The following GRK5 variants were observed in gnomAD, a reference collection of about 807,000 sequenced individuals.
GRK5 encodes the protein G protein-coupled receptor kinase 5.
GRK5 carries 40 observed loss-of-function variants against 78.4 expected under a neutral mutation model. The observed-to-expected ratio is 0.51, with a 90% CI of 0.40 to 0.66. The LOEUF is 0.66. Among genes scored for constraint, GRK5 ranks in the 30% least tolerant of loss-of-function variants. The probability of loss-of-function intolerance (pLI) is 0.00; values close to 1 mark genes in which losing one functional copy is unlikely to be tolerated. For missense variants in GRK5, 598 were observed against 759.9 expected, an observed-to-expected ratio of 0.79 and a Z score of 2.50; for synonymous variants, 289 against 296.8, an observed-to-expected ratio of 0.97 and a Z score of 0.27.
intron 2 of GRK5, among the ~76,000 whole-genome samples, chr10:119,369,231 A>G (rs1324469272): frequency 6.6e-6 from 1 of 152,130 alleles, no homozygotes; most frequent in East Asian, 1.9e-4. Context: ...TCTGGATGAA[A>G]TTTCTTTACA....
At chr10:119,300,628 C>T (rs17607173) in intron 1 of GRK5, among the ~76,000 whole-genome samples, 4,300 of 152,290 alleles carry the variant, frequency 0.028, 81 homozygotes, top group South Asian at 0.055. Context: ...TAATCACAGG[C>T]GGAACTAGGA....
At chr10:119,436,496 G>A (rs11198923) in intron 8 of GRK5, among the ~76,000 whole-genome samples, 155 bp from the exon 9 acceptor site, 12,560 of 152,314 alleles carry the variant, frequency 0.082, 773 homozygotes, top group East Asian at 0.27. Flanking sequence ...CAAGGAGGCC[G>A]CAGGCAGGGT....
intron 3 of GRK5, among the ~76,000 whole-genome samples, chr10:119,388,071 G>A (rs1322236912): frequency 2.0e-5 from 3 of 151,836 alleles, no homozygotes; most frequent in African/African-American, 7.3e-5. Flanking sequence ...TCCCACCTCA[G>A]CCTCCTGAAT....
At position 119,338,861 on chromosome 10, in the gene GRK5, T is replaced by C. The variant is rs549986556; in HGVS notation, c.148+12250T>C. Among the ~76,000 whole-genome samples, 6 of 152,374 alleles carry C rather than the reference T, an allele frequency of 3.9e-5. No homozygotes were observed. In the South Asian group the frequency reaches 1.2e-3, roughly 32 times the overall value. On this transcript the variant is annotated intron_variant, in intron 2 of 15. Transcript: ENST00000392870. ...ATGTGATTTGTAAAGTTCTCATAAC[T>C]ATCACATGTATATATTCTACTATTT... is the stretch of plus-strand genomic sequence containing the variant.
At chr10:119,305,571 T>C (rs566095782) in intron 1 of GRK5, among the ~76,000 whole-genome samples, 1 of 152,150 alleles carries the variant, frequency 6.6e-6, no homozygotes, top group Non-Finnish European at 1.5e-5. Context: ...GAGAGCTGTG[T>C]GGGTATGACT....
At chr10:119,394,323 T>TGGGTGTGTGTGG (rs1851970119) in intron 3 of GRK5, among the ~76,000 whole-genome samples, 24 of 100,966 alleles carry the variant, frequency 2.4e-4, no homozygotes, top group South Asian at 1.3e-3. Flanking sequence ...CGTGGGTGTG[T>TGGGTGTGTGTGG]GTATCTGTGT....
intron 1 of GRK5, among the ~76,000 whole-genome samples, chr10:119,313,188 A>ATGGTAATGATGGTAGTGG (rs1564887268): frequency 2.9e-5 from 4 of 135,900 alleles, no homozygotes. Context: ...GATGGTGATG[A>ATGGTAATGATGGTAGTGG]TGATGGTGGT....
chr10:119,361,960 CAAAAAAAAAAAAA>C (rs71016566), intron 2 of GRK5, among the ~76,000 whole-genome samples: 5 of 85,654 alleles, frequency 5.8e-5, no homozygotes, highest in Admixed American at 1.2e-4. Flanking sequence ...GACTCTATCT[CAAAAAAAAAAAAA>C]AAAAAAAAAA....
chr10:119,277,447 G>T (rs952724702), intron 1 of GRK5, among the ~76,000 whole-genome samples: 5 of 150,876 alleles, frequency 3.3e-5, no homozygotes, highest in Non-Finnish European at 5.9e-5. Flanking sequence ...CCTGCTCCAG[G>T]GTGCCAGTGG....
intron 1 of GRK5, among the ~76,000 whole-genome samples, chr10:119,239,781 T>C (rs928945373): frequency 3.3e-5 from 5 of 152,038 alleles, no homozygotes; most frequent in African/African-American, 9.7e-5. Context: ...TGGTTTTATG[T>C]TCCTGTGTTA....
intron 11 of GRK5, 21 bp downstream of exon 11, chr10:119,442,109 G>A (rs1366289137): frequency 6.2e-7 from 1 of 1,605,490 alleles, no homozygotes; most frequent in Non-Finnish European, 8.5e-7. Flanking sequence ...GGCTGCCTGT[G>A]TCAATGCACC....
intron 11 of GRK5, 58 bp downstream of exon 11, chr10:119,442,146 G>A (rs545849423): frequency 7.0e-6 from 10 of 1,424,150 alleles, no homozygotes; most frequent in South Asian, 3.5e-5. Context: ...GCTCACCGCC[G>A]GCCGAGCCCC....
intron 1 of GRK5, among the ~76,000 whole-genome samples, chr10:119,246,630 A>C (rs1266231557): frequency 6.6e-6 from 1 of 152,250 alleles, no homozygotes; most frequent in Non-Finnish European, 1.5e-5. Flanking sequence ...GGTCATGGCC[A>C]CATTCAAGAA....
At chr10:119,394,347 C>CT (rs1851973727) in intron 3 of GRK5, among the ~76,000 whole-genome samples, 1 of 6,330 alleles carries the variant, frequency 1.6e-4, no homozygotes, top group Admixed American at 1.6e-3. Context: ...TGTGTGTGGG[C>CT]ATGTGGGTGT....
In GRK5 at chr10:119,253,084, C is replaced by G. The variant is rs1849228214; in HGVS notation, c.52+45115C>G. ...TTTCCTGATACGCCCCCTTAGTGCT[C>G]AAGGCTGGTTTCAACCCTGCTGTAC... On this transcript the variant is annotated intron_variant, in intron 1 of 15. Transcript: ENST00000392870. This position sits in a 1 kb window ranked among gnomAD's most constrained non-coding sequence, Gnocchi z 5.7. 6.6e-6 allele frequency among the ~76,000 whole-genome samples: 1 copy of G among 152,088 alleles called. No individual in the cohort carries two copies. Among genetic ancestry groups the G allele is most frequent in the Admixed American group, 6.5e-5 (1 of 15,276 alleles).
At chr10:119,237,300 T>C (rs1248323349) in intron 1 of GRK5, among the ~76,000 whole-genome samples, 2 of 152,188 alleles carry the variant, frequency 1.3e-5, no homozygotes, top group African/African-American at 4.8e-5. Flanking sequence ...TGCACTCAAG[T>C]GATTTGCCCC....
rs557041536 is a variant in GRK5, at chr10:119,343,377, C to T, written c.148+16766C>T. ...GCCAGGCACCAGGCTATGTGCTTTGCAGACACACACTCGTCCAATCACTAC... is the reference window on the plus strand; with the variant it reads ...GCCAGGCACCAGGCTATGTGCTTTGTAGACACACACTCGTCCAATCACTAC... On this transcript the variant is annotated intron_variant, in intron 2 of 15. Transcript: ENST00000392870. Among the ~76,000 whole-genome samples, 5 of 152,224 alleles carry T rather than the reference C, an allele frequency of 3.3e-5. No individual in the cohort carries two copies. The East Asian group carries it at 9.6e-4, about 29-fold the overall frequency.
At chr10:119,449,090 A>T (rs989173927) in intron 13 of GRK5, among the ~76,000 whole-genome samples, 2 of 152,250 alleles carry the variant, frequency 1.3e-5, no homozygotes, top group African/African-American at 4.8e-5. Flanking sequence ...TGGGAGCAGC[A>T]GTGTGCTGCA....
intron 3 of GRK5, among the ~76,000 whole-genome samples, chr10:119,385,257 A>G (rs1395007453): frequency 1.9e-5 from 2 of 107,404 alleles, no homozygotes; most frequent in Non-Finnish European, 3.7e-5. Context: ...TTGGGGTTTT[A>G]TTTTATTTTA....
Sources: allele counts gnomAD v4.1 joint callset (sites outside exome capture counted in the v4.1 genomes callset), GRCh38; gene constraint gnomAD v4.1.1; non-coding constraint Gnocchi (gnomAD v3.1); transcripts MANE v1.5; gene names NCBI Gene and HGNC (gene_info 2026-07-23, HGNC 2026-07-21).